Variants in SLC25A16 observed in about 807,000 individuals in gnomAD.
SLC25A16 encodes mitochondrial coenzyme A transporter SLC25A16.
A neutral mutation model predicts 41.5 loss-of-function variants in SLC25A16; 39 were observed. The ratio of observed to expected loss-of-function variants is 0.94; its 90% CI spans 0.73 to 1.23. The LOEUF (loss-of-function observed/expected upper bound fraction) is 1.23. Ranked by LOEUF, SLC25A16 falls within the 50% of genes most tolerant of loss-of-function variation. The pLI, the probability that SLC25A16 is intolerant of heterozygous loss-of-function variation, is 0.00. For missense variants in SLC25A16, 421 were observed against 426.9 expected, an observed-to-expected ratio of 0.99 and a Z score of 0.12; for synonymous variants, 146 against 147.8, an observed-to-expected ratio of 0.99 and a Z score of 0.09.
At position 68,495,654 on chromosome 10, in the gene SLC25A16, G is replaced by A. The variant is rs148595639; in HGVS notation, c.422-2084C>T. Reference sequence around the variant, plus strand: ...CAAAAATTAGCCAGGCATGATGGTGGGTACCTGTAATCCCAGCTACTCAGA... The same window carrying A: ...CAAAAATTAGCCAGGCATGATGGTGAGTACCTGTAATCCCAGCTACTCAGA... On this transcript the variant is annotated intron_variant, in intron 4 of 8. Coordinates refer to ENST00000609923, the MANE Select transcript of SLC25A16 (RefSeq NM_152707.4). Among the ~76,000 whole-genome samples the A allele has an allele frequency of 5.5e-3, 835 of 150,938 alleles. 13 individuals are homozygous for A. The highest frequency in any genetic ancestry group is 0.048 in the South Asian group (228 of 4,786).
intron 1 of SLC25A16, among the ~76,000 whole-genome samples, chr10:68,522,910 CA>C (rs2053272103): frequency 6.7e-6 from 1 of 149,650 alleles, no homozygotes. Flanking sequence ...ATCACTTGAA[CA>C]CGGGAGGTGG....
chr10:68,487,031 C>T, intron 8 of SLC25A16, 113 bp downstream of exon 8: 4 of 610,944 alleles, frequency 6.5e-6, no homozygotes, highest in South Asian at 1.8e-5. Flanking sequence ...AAATAAACTT[C>T]GGGAGATAAA....
chr10:68,520,107 C>T (rs1590128216), intron 1 of SLC25A16, among the ~76,000 whole-genome samples: 1 of 151,104 alleles, frequency 6.6e-6, no homozygotes, highest in East Asian at 2.0e-4. Context: ...CCCACCACCT[C>T]GCCCAGCTAA....
chr10:68,513,180 ATT>A (rs72070583), intron 2 of SLC25A16, among the ~76,000 whole-genome samples: 11,500 of 145,854 alleles, frequency 0.079, 649 homozygotes, highest in African/African-American at 0.16. Flanking sequence ...CCTACTCTCT[ATT>A]TTTTTTTTTT....
At position 68,483,414 on chromosome 10, in the gene SLC25A16, A is replaced by C. The variant is rs781164793; in HGVS notation, c.*18T>G. ...TCCCTCTGAGAATGTATTAAGAAAA[A>C]CCAACCATAATTTTTTTTTAGTTGA... On this transcript the variant is annotated 3_prime_UTR_variant, in exon 9 of 9. Coordinates refer to ENST00000609923, the MANE Select transcript of SLC25A16 (RefSeq NM_152707.4). 9.1e-6 allele frequency: 14 copies of C among 1,531,122 alleles called. No individual in the cohort carries two copies. The highest frequency in any genetic ancestry group is 1.2e-5 in the South Asian group (1 of 81,772). 94.8% of individuals were successfully genotyped at this position (1,531,122 alleles called of 1,614,324 possible).
chr10:68,485,790 T>C (rs984169269), intron 8 of SLC25A16, among the ~76,000 whole-genome samples: 5 of 147,560 alleles, frequency 3.4e-5, no homozygotes, highest in African/African-American at 1.0e-4. Context: ...CTCAGCCTCC[T>C]AAGCAATATT....
Position 68,478,322 on chromosome 10 carries a change from T to C in SLC25A16, c.*5110A>G, listed in dbSNP as rs2052450110. 1 of 148,518 alleles carries C rather than the reference T, an allele frequency of 6.7e-6. No individual in the cohort carries two copies. Among genetic ancestry groups the C allele is most frequent in the South Asian group, 2.1e-4 (1 of 4,824 alleles). The allele number at this position is 148,518 out of a possible 1,614,324, so 9.2% of individuals were successfully genotyped here. ...GCCACATAATTCTTCAGGAAATATA[T>C]GTAATTGTTATTATTTATCACCAGT... On this transcript the variant is annotated 3_prime_UTR_variant, in exon 9 of 9. Transcript: ENST00000609923.
chr10:68,496,292 G>C (rs2052749590), intron 4 of SLC25A16: 1 of 157,078 alleles, frequency 6.4e-6, no homozygotes, highest in African/African-American at 2.4e-5. Context: ...GGGTGACTGA[G>C]GTTTTCAATT....
rs778512677 is a variant in SLC25A16 at position 68,483,527 on chromosome 10, G to A, written c.904C>T (p.Arg302Cys). Residue 302 changes from arginine (R) to cysteine (C), a missense_variant, in exon 9 of 9, where the codon CGT becomes TGT. Arg to Cys is a radical substitution (Grantham distance 180). Coordinates refer to ENST00000609923, the MANE Select transcript of SLC25A16 (RefSeq NM_152707.4). ...GHHGIRKGLY[R>C]GLSLNYIRCI... The stretch of plus-strand genomic sequence containing the variant: ...CGAATGTAATTAAGAGATAAACCAC[G>A]ATAGAGTCCTTTTCGAATTCCATGG... The A allele has an allele frequency of 1.4e-5, 23 of 1,611,354 alleles. No homozygotes were observed. Among genetic ancestry groups the A allele is most frequent in the Middle Eastern group, 1.6e-4 (1 of 6,076 alleles).
chr10:68,485,568 TAG>T (rs2052545684), intron 8 of SLC25A16, among the ~76,000 whole-genome samples: 1 of 151,088 alleles, frequency 6.6e-6, no homozygotes, highest in African/African-American at 2.4e-5. Context: ...GTATTTTTAG[TAG>T]AGACAGGTTT....
chr10:68,510,753 G>A (rs1164998191), intron 2 of SLC25A16, among the ~76,000 whole-genome samples: 1 of 151,612 alleles, frequency 6.6e-6, no homozygotes, highest in African/African-American at 2.4e-5. Context: ...CAGGAGAATT[G>A]CTTGAATCCG....
chr10:68,493,335 T>C (rs1444715586), intron 5 of SLC25A16, 114 bp downstream of exon 5: 11 of 1,145,326 alleles, frequency 9.6e-6, no homozygotes, highest in Admixed American at 8.5e-5. Flanking sequence ...TTCGTAATTA[T>C]TGTTATTAAC....
chr10:68,524,075 T>C (rs10823220), intron 1 of SLC25A16, among the ~76,000 whole-genome samples: 34,897 of 150,596 alleles, frequency 0.23, 4,475 homozygotes, highest in South Asian at 0.34. Flanking sequence ...CTATGGGAGG[T>C]CAAGGCGGGC....
At chr10:68,495,071 CA>C in intron 4 of SLC25A16, among the ~76,000 whole-genome samples, 1 of 151,664 alleles carries the variant, frequency 6.6e-6, no homozygotes, top group East Asian at 1.9e-4. Flanking sequence ...CGCTTGAGCC[CA>C]AAAGTTCGAG....
chr10:68,494,265 C>T (rs1225660518), intron 4 of SLC25A16, among the ~76,000 whole-genome samples: 2 of 151,756 alleles, frequency 1.3e-5, no homozygotes, highest in South Asian at 2.1e-4. Context: ...GAGATCGAGC[C>T]GTCCTGGCCA....
rs770062353 is a variant in SLC25A16 at position 68,483,638 on chromosome 10, C to T, written c.843-50G>A. The T allele has an allele frequency of 2.1e-6, 3 of 1,444,506 alleles. No homozygotes were observed. In the African/African-American group the frequency reaches 4.3e-5, roughly 21 times the overall value. The allele number at this position is 1,444,506 out of a possible 1,614,324, so 89.5% of individuals were successfully genotyped here. The stretch of plus-strand genomic sequence containing the variant: ...ACCTCTATGCCCACTCATGAAGAAA[C>T]AATTTCAGGATCCATAATATCAATT... On this transcript the variant is annotated intron_variant, in intron 8 of 8. Transcript: ENST00000609923.
rs116932726 is a variant in SLC25A16 at position 68,488,987 on chromosome 10, T to A, written c.611-358A>T. Among the ~76,000 whole-genome samples the A allele has an allele frequency of 3.7e-3, 568 of 152,206 alleles. 3 individuals carry two copies. The highest frequency in any genetic ancestry group is 6.6e-3 in the Non-Finnish European group (450 of 68,004). On this transcript the variant is annotated intron_variant, in intron 6 of 8. Transcript: ENST00000609923. ...AACTTAACATTTAAAATAACAATGATGGCCGGGCGTGGTGGCTCACACCTG... is the reference window on the plus strand; with the variant it reads ...AACTTAACATTTAAAATAACAATGAAGGCCGGGCGTGGTGGCTCACACCTG...
intron 1 of SLC25A16, among the ~76,000 whole-genome samples, chr10:68,526,084 C>G (rs565506828): frequency 6.6e-6 from 1 of 151,982 alleles, no homozygotes; most frequent in Non-Finnish European, 1.5e-5. Flanking sequence ...AGCCCGACAC[C>G]CGTAAAGGGT....
chr10:68,513,939 A>C (rs10998241), intron 2 of SLC25A16, among the ~76,000 whole-genome samples: 15,755 of 152,122 alleles, frequency 0.1, 930 homozygotes, highest in South Asian at 0.24. Flanking sequence ...GCTCATGCCT[A>C]TAATTTCAGT....
Sources: allele counts gnomAD v4.1 joint callset (sites outside exome capture counted in the v4.1 genomes callset), GRCh38; gene constraint gnomAD v4.1.1; transcripts MANE v1.5; gene names NCBI Gene and HGNC (gene_info 2026-07-23, HGNC 2026-07-21).